Variants in ARHGAP24 observed in about 807,000 individuals in gnomAD.
ARHGAP24 encodes Rho GTPase activating protein 24.
ARHGAP24 carries 50 observed loss-of-function variants against 76.4 expected under a neutral mutation model. That is an observed-to-expected ratio of 0.65 (90% CI 0.52 to 0.83). The LOEUF (loss-of-function observed/expected upper bound fraction) is 0.83, where lower values mean the gene tolerates loss of function less well. Among genes scored for constraint, ARHGAP24 ranks in the 40% least tolerant of loss-of-function variants. The pLI is 0.00. For synonymous variants in ARHGAP24, 345 were observed against 323.3 expected (o/e 1.07, Z -0.72); for missense variants, 930 against 914.2 (o/e 1.02, Z -0.22).
intron 2 of ARHGAP24, among the ~76,000 whole-genome samples, chr4:85,624,555 G>A (rs968372530): frequency 2.0e-5 from 3 of 152,052 alleles, no homozygotes; most frequent in Non-Finnish European, 4.4e-5. Context: ...CTCTTTTTTG[G>A]TTGTGTCTCT....
chr4:85,562,917 A>G (rs1381002059), intron 1 of ARHGAP24, among the ~76,000 whole-genome samples: 1 of 152,224 alleles, frequency 6.6e-6, no homozygotes. Context: ...TGAGGGTGAC[A>G]AAAAGTTGAA....
chr4:85,817,410 T>G (rs997517247), intron 3 of ARHGAP24, among the ~76,000 whole-genome samples: 4 of 152,204 alleles, frequency 2.6e-5, no homozygotes, highest in African/African-American at 4.8e-5. Flanking sequence ...AATTCTATAA[T>G]CCATTTCAAG....
At chr4:85,939,342 G>T (rs1399896197) in intron 4 of ARHGAP24, among the ~76,000 whole-genome samples, 1 of 152,122 alleles carries the variant, frequency 6.6e-6, no homozygotes, top group African/African-American at 2.4e-5. Context: ...AAAGGAAAAG[G>T]ACTGATATTC....
chr4:85,707,977 T>C (rs2110032114), intron 2 of ARHGAP24, among the ~76,000 whole-genome samples: 1 of 152,270 alleles, frequency 6.6e-6, no homozygotes, highest in East Asian at 1.9e-4. Context: ...GGTGGCATAA[T>C]GATCTGAGAG....
At chr4:85,546,229 A>C (rs540679794) in intron 1 of ARHGAP24, among the ~76,000 whole-genome samples, 1 of 152,286 alleles carries the variant, frequency 6.6e-6, no homozygotes, top group Admixed American at 6.5e-5. Flanking sequence ...TATATTATTT[A>C]TTAAATAAAT....
At chr4:85,564,393 T>C (rs1316983930) in intron 1 of ARHGAP24, among the ~76,000 whole-genome samples, 1 of 99,308 alleles carries the variant, frequency 1.0e-5, no homozygotes, top group African/African-American at 4.9e-5. Context: ...GGGCCTGTTG[T>C]GGGGTGGGGG....
Position 85,676,183 on chromosome 4 carries a change from G to A in ARHGAP24, c.181-45702G>A, listed in dbSNP as rs190788168. 1.9e-3 allele frequency among the ~76,000 whole-genome samples: 282 copies of A among 152,122 alleles called. 1 individual carries two copies. The highest frequency in any genetic ancestry group is 6.1e-3 in the African/African-American group (255 of 41,486). On this transcript the variant is annotated intron_variant, in intron 2 of 9. Transcript: ENST00000395184. The stretch of plus-strand genomic sequence containing the variant: ...TAATTCATCTCACTGAGTCTGTTTC[G>A]GCACAAATATTTTAAAATGAAAGGC...
chr4:85,537,980 A>G (rs17010383), intron 1 of ARHGAP24, among the ~76,000 whole-genome samples: 1,693 of 152,182 alleles, frequency 0.011, 23 homozygotes, highest in African/African-American at 0.038. Context: ...ATGACTTGAT[A>G]ATTTAGGGAA....
At chr4:85,924,671 C>T (rs1402061247) in intron 4 of ARHGAP24, 2 of 150,282 alleles carry the variant, frequency 1.3e-5, no homozygotes, top group Non-Finnish European at 3.0e-5. Context: ...CTGAACAGAT[C>T]GGACACTTCT....
intron 2 of ARHGAP24, among the ~76,000 whole-genome samples, chr4:85,670,752 G>A (rs1722790245): frequency 6.6e-6 from 1 of 152,072 alleles, no homozygotes; most frequent in African/African-American, 2.4e-5. Context: ...CTGTACTTTA[G>A]ATCATTTGCA....
At chr4:85,713,431 C>CT (rs1322791881) in intron 2 of ARHGAP24, among the ~76,000 whole-genome samples, 1 of 152,094 alleles carries the variant, frequency 6.6e-6, no homozygotes, top group African/African-American at 2.4e-5. Context: ...TAAAAATCAT[C>CT]TATAACCTGA....
chr4:85,554,656 TTTA>T (rs1467899034), intron 1 of ARHGAP24, among the ~76,000 whole-genome samples: 39 of 151,976 alleles, frequency 2.6e-4, no homozygotes, highest in African/African-American at 8.5e-4. Context: ...TCTTTTTATT[TTTA>T]TTATTATTAT....
intron 1 of ARHGAP24, among the ~76,000 whole-genome samples, chr4:85,544,498 G>A (rs1432403076): frequency 6.6e-6 from 1 of 152,058 alleles, no homozygotes; most frequent in Non-Finnish European, 1.5e-5. Context: ...AAAAACTTCA[G>A]CATCTAGATC....
chr4:85,746,394 G>C (rs1726037890), intron 3 of ARHGAP24, among the ~76,000 whole-genome samples: 1 of 152,130 alleles, frequency 6.6e-6, no homozygotes, highest in South Asian at 2.1e-4. Context: ...TGTAAGCCCA[G>C]CTCCTCTACC....
chr4:85,532,599 C>A (rs1284088578), intron 1 of ARHGAP24, among the ~76,000 whole-genome samples: 1 of 152,048 alleles, frequency 6.6e-6, no homozygotes, highest in Non-Finnish European at 1.5e-5. Flanking sequence ...ATATTTGATA[C>A]CAACTATTAT....
chr4:85,829,592 A>G (rs1460075983), intron 3 of ARHGAP24, among the ~76,000 whole-genome samples: 1 of 152,242 alleles, frequency 6.6e-6, no homozygotes, highest in African/African-American at 2.4e-5. Context: ...CTTGAGGTGT[A>G]CAAAGAATTG....
intron 4 of ARHGAP24, chr4:85,924,572 T>C (rs778022515): frequency 2.6e-5 from 4 of 152,170 alleles, no homozygotes; most frequent in African/African-American, 9.6e-5. Context: ...ATTCACACTT[T>C]ATAAACAATT....
chr4:85,926,816 G>A (rs1736046236), intron 4 of ARHGAP24, among the ~76,000 whole-genome samples: 1 of 152,104 alleles, frequency 6.6e-6, no homozygotes, highest in Admixed American at 6.5e-5. Flanking sequence ...AACTTGCCAA[G>A]TGTCACACTG....
chr4:85,877,628 TA>T (rs36157226), intron 3 of ARHGAP24, among the ~76,000 whole-genome samples: 1,852 of 141,418 alleles, frequency 0.013, 42 homozygotes, highest in African/African-American at 0.045. Context: ...TTATCTTAAT[TA>T]AAAAAAAAAA....
Sources: gnomAD v4.1 joint callset for allele counts (sites outside exome capture counted in the v4.1 genomes callset) on GRCh38, gnomAD v4.1.1 for gene constraint, MANE v1.5 for transcripts, NCBI Gene and HGNC (gene_info 2026-07-23, HGNC 2026-07-21) for gene names.